RFFL: variants seen among roughly 807,000 people sequenced by gnomAD.
The protein encoded by RFFL is E3 ubiquitin-protein ligase rififylin.
In RFFL, 16 loss-of-function variants were observed where a neutral mutation model predicts 40.4. That is an observed-to-expected ratio of 0.40 (90% CI 0.27 to 0.60). The LOEUF (loss-of-function observed/expected upper bound fraction) is 0.60, where lower values mean the gene tolerates loss of function less well. RFFL is among the 20% of genes least tolerant of loss of function. The probability of loss-of-function intolerance (pLI) is 0.47; values close to 1 mark genes in which losing one functional copy is unlikely to be tolerated. For missense variants in RFFL, 367 were observed against 451.7 expected, an observed-to-expected ratio of 0.81 and a Z score of 1.70; for synonymous variants, 154 against 167.9, an observed-to-expected ratio of 0.92 and a Z score of 0.64.
At chr17:35,034,528 C>CA (rs2091107232) in intron 1 of RFFL, among the ~76,000 whole-genome samples, 1 of 143,740 alleles carries the variant, frequency 7.0e-6, no homozygotes, top group Admixed American at 7.0e-5. Flanking sequence ...ATCCACGTTA[C>CA]TTTTTTTTTT....
In RFFL at chr17:35,010,175, A is replaced by T. The variant is rs2090927442; in HGVS notation, c.*1793T>A. The T allele has an allele frequency of 6.6e-6, 1 of 152,194 alleles. No homozygotes were observed. The highest frequency in any genetic ancestry group is 2.1e-4 in the South Asian group (1 of 4,826). 9.4% of individuals were successfully genotyped at this position (152,194 alleles called of 1,614,324 possible). On this transcript the variant is annotated 3_prime_UTR_variant, in exon 7 of 7. Transcript: ENST00000394597. ...CTGTACCAATGTAATAAGTCCCTTT[A>T]GAGGTTTCCCTCTGCCATCCAGAGT...
At chr17:35,019,443 G>A (rs1313394608) in intron 3 of RFFL, among the ~76,000 whole-genome samples, 1 of 152,118 alleles carries the variant, frequency 6.6e-6, no homozygotes, top group Non-Finnish European at 1.5e-5. Context: ...GTGGTGGCAT[G>A]ATCATGGTTC....
chr17:35,055,179 A>G (rs1277994924), intron 1 of RFFL, among the ~76,000 whole-genome samples: 1 of 151,812 alleles, frequency 6.6e-6, no homozygotes, highest in Non-Finnish European at 1.5e-5. Flanking sequence ...CGGCCTCCCA[A>G]AGTGCTGGGA....
intron 1 of RFFL, among the ~76,000 whole-genome samples, chr17:35,075,986 CTTTTTTTTT>C (rs35996071): frequency 2.5e-5 from 2 of 80,026 alleles, no homozygotes; most frequent in South Asian, 9.4e-4. Context: ...TCAATTTATT[CTTTTTTTTT>C]TTTTTTTTTT....
upstream of RFFL, among the ~76,000 whole-genome samples, chr17:35,064,719 C>T (rs1400810454): frequency 6.6e-6 from 1 of 152,158 alleles, no homozygotes. Context: ...CACCCAGCTT[C>T]GTTCATCCTT....
intron 1 of RFFL, among the ~76,000 whole-genome samples, chr17:35,049,751 G>T (rs553371715): frequency 1.3e-5 from 2 of 152,236 alleles, no homozygotes; most frequent in South Asian, 4.2e-4. Context: ...CAAAAGATAG[G>T]CTAAAAATTC....
At chr17:35,039,964 C>T (rs996308371) in intron 1 of RFFL, among the ~76,000 whole-genome samples, 6 of 152,104 alleles carry the variant, frequency 3.9e-5, no homozygotes, top group South Asian at 4.1e-4. Context: ...CATGAGCCAC[C>T]GCATCTGGCC....
chr17:35,039,983 T>C (rs905706752), intron 1 of RFFL, among the ~76,000 whole-genome samples: 1 of 152,094 alleles, frequency 6.6e-6, no homozygotes, highest in Non-Finnish European at 1.5e-5. Context: ...CCGACTCCAC[T>C]TTCTTAACCT....
intron 1 of RFFL, among the ~76,000 whole-genome samples, chr17:35,048,301 T>C (rs1302725051): frequency 6.6e-6 from 1 of 150,530 alleles, no homozygotes; most frequent in Non-Finnish European, 1.5e-5. Flanking sequence ...GCTTGGGAGG[T>C]TGAGACAGGA....
In RFFL at chr17:35,009,361, C is replaced by CT. The variant is rs1346588520; in HGVS notation, c.*2606dup. 1 of 152,178 alleles carries CT rather than the reference C, an allele frequency of 6.6e-6. No individual in the cohort carries two copies. Among genetic ancestry groups the CT allele is most frequent in the Non-Finnish European group, 1.5e-5 (1 of 68,030 alleles). The allele number at this position is 152,178 out of a possible 1,614,324, so 9.4% of individuals were successfully genotyped here. A position where few individuals can be genotyped will look rare whatever the true frequency, so the allele number is the denominator to read the frequency against. On this transcript the variant is annotated 3_prime_UTR_variant, in exon 7 of 7. Transcript: ENST00000394597. ...AATGTATTATGAACCAGTCAGCTAT[C>CT]TGTCTTTTGAAACAAGTCTTAACTG...
At chr17:35,046,040 AAG>A (rs1491220372) in intron 1 of RFFL, among the ~76,000 whole-genome samples, 1 of 151,932 alleles carries the variant, frequency 6.6e-6, no homozygotes, top group Non-Finnish European at 1.5e-5. Context: ...AAAAAAAAAA[AAG>A]GACAGAAACT....
At chr17:35,013,964 C>A (rs2090957144) in intron 6 of RFFL, among the ~76,000 whole-genome samples, 1 of 152,112 alleles carries the variant, frequency 6.6e-6, no homozygotes, top group African/African-American at 2.4e-5. Flanking sequence ...CCATTCTGAG[C>A]AAAAGGCCAT....
intron 1 of RFFL, among the ~76,000 whole-genome samples, chr17:35,083,791 AAAAG>A (rs1481658911): frequency 2.2e-4 from 34 of 151,986 alleles, no homozygotes; most frequent in Admixed American, 7.9e-4. Flanking sequence ...AAAAAAAAAA[AAAAG>A]AAAGAAAGAA....
Position 35,008,395 on chromosome 17 carries a change from T to A in RFFL, c.*3573A>T, listed in dbSNP as rs549272766. Reference sequence around the variant, plus strand: ...CCAACCACAGGCTAATCCCAGGCCATGTGCACATCCCAGGATTAGCTTGTG... The same window carrying A: ...CCAACCACAGGCTAATCCCAGGCCAAGTGCACATCCCAGGATTAGCTTGTG... On this transcript the variant is annotated 3_prime_UTR_variant, in exon 7 of 7. Transcript: ENST00000394597. 6.6e-6 allele frequency: 1 copy of A among 152,274 alleles called. No individual in the cohort carries two copies. Among genetic ancestry groups the A allele is most frequent in the African/African-American group, 2.4e-5 (1 of 41,568 alleles). The allele number at this position is 152,274 out of a possible 1,614,324, so 9.4% of individuals were successfully genotyped here.
chr17:35,053,317 A>G (rs2091242006), intron 1 of RFFL, among the ~76,000 whole-genome samples: 1 of 152,238 alleles, frequency 6.6e-6, no homozygotes. Context: ...CTATATTAAT[A>G]CACGGGTATT....
intron 1 of RFFL, among the ~76,000 whole-genome samples, chr17:35,027,576 T>G (rs932838156): frequency 2.6e-5 from 4 of 151,516 alleles, no homozygotes; most frequent in African/African-American, 9.7e-5. Flanking sequence ...AATACAAAAT[T>G]AGCAGGGTGT....
intron 1 of RFFL, among the ~76,000 whole-genome samples, chr17:35,048,368 C>T (rs953356880): frequency 7.9e-5 from 12 of 152,064 alleles, no homozygotes; most frequent in Admixed American, 3.3e-4. Flanking sequence ...CGCCACTGCA[C>T]TCCAGCCTGG....
At chr17:35,053,474 G>C (rs533069012) in intron 1 of RFFL, among the ~76,000 whole-genome samples, 2 of 152,330 alleles carry the variant, frequency 1.3e-5, no homozygotes, top group Admixed American at 1.3e-4. Flanking sequence ...CTCTGCAGTG[G>C]AACAAGGTTA....
At chr17:35,055,454 C>T (rs1470091241) in intron 1 of RFFL, among the ~76,000 whole-genome samples, 1 of 151,966 alleles carries the variant, frequency 6.6e-6, no homozygotes, top group African/African-American at 2.4e-5. Context: ...GGGCGGATCA[C>T]CTGAGGTCAG....
Sources: gnomAD v4.1 joint callset for allele counts (sites outside exome capture counted in the v4.1 genomes callset) on GRCh38, gnomAD v4.1.1 for gene constraint, MANE v1.5 for transcripts, NCBI Gene and HGNC (gene_info 2026-07-23, HGNC 2026-07-21) for gene names.